SUSD1: variants seen among roughly 807,000 people sequenced by gnomAD.
The protein encoded by SUSD1 is sushi domain-containing protein 1.
SUSD1 carries 65 observed loss-of-function variants against 86.9 expected under a neutral mutation model. The observed-to-expected ratio is 0.75, with a 90% CI of 0.61 to 0.92. SUSD1 has a LOEUF of 0.92. Ranked by LOEUF, SUSD1 falls within the 40% of genes least tolerant of loss-of-function variation. SUSD1 has a pLI of 0.00. For missense variants in SUSD1, 850 were observed against 929.7 expected (o/e 0.91, Z 1.11); for synonymous variants, 346 against 350.0 (o/e 0.99, Z 0.13).
At chr9:112,159,546 G>A (rs1035712015) in intron 1 of SUSD1, among the ~76,000 whole-genome samples, 13 of 152,136 alleles carry the variant, frequency 8.5e-5, no homozygotes, top group African/African-American at 2.2e-4. Context: ...AAGTAAAAAT[G>A]TTAAAGGCTG....
intron 1 of SUSD1, among the ~76,000 whole-genome samples, chr9:112,161,757 G>A (rs1355360487): frequency 6.6e-6 from 1 of 150,758 alleles, no homozygotes; most frequent in African/African-American, 2.4e-5. Context: ...GGGAGGCGGA[G>A]GTTGCAGTGA....
At chr9:112,168,442 C>T (rs34674299) in intron 1 of SUSD1, among the ~76,000 whole-genome samples, 46,058 of 152,062 alleles carry the variant, frequency 0.3, 7,715 homozygotes, top group Admixed American at 0.39. Flanking sequence ...AGTTCAGCTC[C>T]TCACCTTTTC....
chr9:112,068,449 C>T (rs1829090397), intron 12 of SUSD1, among the ~76,000 whole-genome samples: 1 of 152,164 alleles, frequency 6.6e-6, no homozygotes, highest in Admixed American at 6.5e-5. Context: ...CTGGCTCATG[C>T]CTGTAATCCC....
In SUSD1 at chr9:112,101,335, C is replaced by G. The variant is rs10817262; in HGVS notation, c.1281+841G>C. ...CAAGATCGCCTCCCTGCACTCCAAC[C>G]TGGGTAACAGAGCAAGACTCGGTCT... On this transcript the variant is annotated intron_variant, in intron 9 of 16. Coordinates refer to ENST00000374270, the MANE Select transcript of SUSD1 (RefSeq NM_022486.5). Among the ~76,000 whole-genome samples the G allele has an allele frequency of 6.0e-4, 91 of 152,092 alleles. 2 individuals carry two copies. In the East Asian group the frequency reaches 0.018, roughly 29 times the overall value.
At chr9:112,088,328 C>T (rs570264805) in intron 10 of SUSD1, among the ~76,000 whole-genome samples, 108 of 151,798 alleles carry the variant, frequency 7.1e-4, no homozygotes, top group African/African-American at 1.5e-3. Flanking sequence ...TGGGGCGAGG[C>T]GGAAGAGTGA....
At chr9:112,149,614 G>A (rs909712401) in intron 2 of SUSD1, among the ~76,000 whole-genome samples, 2 of 152,164 alleles carry the variant, frequency 1.3e-5, no homozygotes, top group Admixed American at 6.5e-5. Context: ...GAAACCCCAA[G>A]AGAAACACAA....
chr9:112,100,886 A>ACACACACACG (rs1830605828), intron 9 of SUSD1, among the ~76,000 whole-genome samples: 1 of 151,760 alleles, frequency 6.6e-6, no homozygotes, highest in Admixed American at 6.6e-5. Flanking sequence ...ACACACACAC[A>ACACACACACG]CACAAATAAA....
chr9:112,071,443 T>A (rs1829265873), intron 12 of SUSD1, among the ~76,000 whole-genome samples: 1 of 151,122 alleles, frequency 6.6e-6, no homozygotes, highest in South Asian at 2.1e-4. Context: ...CAGGGCAACA[T>A]AATGAAACTC....
rs1196821450 is a variant in SUSD1 at position 112,078,809 on chromosome 9, C to CACTTTT, written c.1567-86_1567-85insAAAAGT. On this transcript the variant is annotated intron_variant, in intron 11 of 16. Transcript: ENST00000374270. ...AAACCTCCCCTTTTCCTTTTTCTTTCTCTTTTTTTTTTTTTTTTTTTGAGA... is the reference window on the plus strand; with the variant it reads ...AAACCTCCCCTTTTCCTTTTTCTTTCACTTTTTCTTTTTTTTTTTTTTTTTTTGAGA... The CACTTTT allele has an allele frequency of 3.2e-4, 269 of 830,018 alleles. 1 individual carries two copies. In the African/African-American group the frequency reaches 4.8e-3, roughly 15 times the overall value. 51.4% of individuals were successfully genotyped at this position (830,018 alleles called of 1,614,324 possible).
intron 9 of SUSD1, among the ~76,000 whole-genome samples, chr9:112,099,961 C>A (rs1324901134): frequency 6.6e-6 from 1 of 152,198 alleles, no homozygotes; most frequent in African/African-American, 2.4e-5. Context: ...CCACTTTGGC[C>A]ACCCATATCC....
rs755026570 is a variant in SUSD1, at chr9:112,078,640, C to T, written c.1651G>A (p.Glu551Lys). 1.1e-5 allele frequency: 17 copies of T among 1,613,940 alleles called. No individual in the cohort carries two copies. Among genetic ancestry groups the T allele is most frequent in the Admixed American group, 5.0e-5 (3 of 59,984 alleles). ...FNISSSSRDP[E>K]VCLDLRPGTN... The stretch of plus-strand genomic sequence containing the variant: ...CCCGGACGTAGGTCCAAGCACACCT[C>T]GGGATCTCGGCTGCTGCTACTGATA... The change falls in exon 12 of 17, where the codon GAG becomes AAG. Residue 551 changes from glutamate to lysine, a missense_variant. Coordinates refer to ENST00000374270, the MANE Select transcript of SUSD1 (RefSeq NM_022486.5).
intron 10 of SUSD1, among the ~76,000 whole-genome samples, chr9:112,083,056 C>T (rs1829833668): frequency 1.3e-5 from 2 of 151,864 alleles, no homozygotes; most frequent in South Asian, 4.2e-4. Context: ...TATTTTCTGC[C>T]ACTAAGTTTG....
At chr9:112,136,957 G>C (rs992131428) in intron 5 of SUSD1, among the ~76,000 whole-genome samples, 1 of 151,942 alleles carries the variant, frequency 6.6e-6, no homozygotes, top group Non-Finnish European at 1.5e-5. Flanking sequence ...CCTCTCCTAG[G>C]GCCCTCCAGC....
At chr9:112,082,418 C>T (rs1829805754) in intron 10 of SUSD1, among the ~76,000 whole-genome samples, 1 of 152,048 alleles carries the variant, frequency 6.6e-6, no homozygotes, top group South Asian at 2.1e-4. Context: ...CAGATGAGCT[C>T]AATGTGATTA....
intron 10 of SUSD1, among the ~76,000 whole-genome samples, chr9:112,090,327 G>A (rs12339047): frequency 2.2e-4 from 34 of 151,958 alleles, no homozygotes; most frequent in African/African-American, 6.5e-4. Flanking sequence ...AGCTTAAACC[G>A]ACCAATTTCC....
At chr9:112,159,440 C>T (rs1440683880) in intron 1 of SUSD1, among the ~76,000 whole-genome samples, 4 of 152,128 alleles carry the variant, frequency 2.6e-5, no homozygotes, top group Non-Finnish European at 5.9e-5. Context: ...TAAGACAAAC[C>T]GCTAATCATC....
intron 5 of SUSD1, among the ~76,000 whole-genome samples, chr9:112,130,407 G>A (rs1025909628): frequency 1.3e-5 from 2 of 149,784 alleles, no homozygotes; most frequent in African/African-American, 2.5e-5. Context: ...GGGAGGGAAC[G>A]GGAGGGGAGG....
chr9:112,084,153 C>A (rs1486032073), intron 10 of SUSD1, among the ~76,000 whole-genome samples: 1 of 151,930 alleles, frequency 6.6e-6, no homozygotes, highest in Admixed American at 6.6e-5. Context: ...AAAAAATATG[C>A]CTCTGAGAAT....
chr9:112,148,611 T>C (rs1451471841), intron 3 of SUSD1, among the ~76,000 whole-genome samples: 1 of 152,056 alleles, frequency 6.6e-6, no homozygotes, highest in East Asian at 1.9e-4. Context: ...TCACTATTCA[T>C]TATGAAAACG....
Sources: gnomAD v4.1 joint callset for allele counts (sites outside exome capture counted in the v4.1 genomes callset) on GRCh38, gnomAD v4.1.1 for gene constraint, MANE v1.5 for transcripts, NCBI Gene and HGNC (gene_info 2026-07-23, HGNC 2026-07-21) for gene names.